NBPF20: variants seen among roughly 807,000 people sequenced by gnomAD.
The protein encoded by NBPF20 is NBPF family member NBPF20.
A neutral mutation model predicts 68.1 loss-of-function variants in NBPF20; 90 were observed. The observed-to-expected ratio is 1.32, with a 90% CI of 1.11 to 1.58. The LOEUF (loss-of-function observed/expected upper bound fraction) is 1.58. Among genes scored for constraint, NBPF20 ranks in the 40% most tolerant of loss-of-function variants. The probability of loss-of-function intolerance (pLI) is 0.00; values close to 1 mark genes in which losing one functional copy is unlikely to be tolerated. For missense variants in NBPF20, 816 were observed against 601.2 expected (o/e 1.36, Z -3.74); for synonymous variants, 290 against 228.1 (o/e 1.27, Z -2.45).
chr1:145,408,795 A>G (rs587593819), upstream of NBPF20, among the ~76,000 whole-genome samples: 11 of 152,120 alleles, frequency 7.2e-5, no homozygotes, highest in East Asian at 1.9e-3. Flanking sequence ...TACCTGCTTC[A>G]TTGCATGTAT....
intron 6 of NBPF20, 135 bp downstream of exon 11, chr1:145,400,254 A>G (rs1279645869): frequency 4.4e-6 from 7 of 1,581,818 alleles, no homozygotes; most frequent in Non-Finnish European, 5.2e-6. Context: ...GAAGGACAAA[A>G]AAAGTCCCTG....
intron 7 of NBPF20, 142 bp from the exon 13 acceptor site, chr1:145,395,283 T>C (rs1313796255): frequency 2.8e-6 from 3 of 1,090,780 alleles, no homozygotes; most frequent in Non-Finnish European, 4.0e-6. Context: ...GAAATAAAAC[T>C]ATCCTTCTAA....
chr1:145,407,813 C>T (rs1662871997), upstream of NBPF20: 1 of 156,506 alleles, frequency 6.4e-6, no homozygotes, highest in Non-Finnish European at 1.4e-5. Flanking sequence ...AGGACACGGC[C>T]ATTGTGGGCA....
the NBPF20 span, among the ~76,000 whole-genome samples, chr1:145,411,307 C>T: frequency 1.4e-5 from 2 of 147,730 alleles, no homozygotes; most frequent in South Asian, 2.2e-4. Context: ...TAATTTAGTT[C>T]TTTCATAATT....
chr1:145,393,598 G>C, intron 9 of NBPF20: 2 of 660,404 alleles, frequency 3.0e-6, no homozygotes, highest in Non-Finnish European at 2.6e-6. Context: ...TGAAAAGCAT[G>C]TCCTCAATAA....
intron 136 of NBPF20, among the ~76,000 whole-genome samples, chr1:145,292,709 T>C (rs1414444955): frequency 1.4e-5 from 2 of 143,126 alleles, no homozygotes; most frequent in Non-Finnish European, 3.0e-5. Context: ...TAGTAGATCG[T>C]TATCCCAATA....
intron 7 of NBPF20, 23 bp from the exon 13 acceptor site, chr1:145,395,164 G>C (rs1414539789): frequency 3.6e-6 from 5 of 1,392,920 alleles, no homozygotes. Flanking sequence ...GCAGGACAGG[G>C]ATGATAGAAG....
Position 145,402,394 on chromosome 1 carries a change from G to A in NBPF20, c.279-13C>T, listed in dbSNP as rs1261855345. On this transcript the variant is annotated splice_polypyrimidine_tract_variant and intron_variant, in intron 3 of 137. Coordinates refer to ENST00000369373, the Ensembl canonical transcript of NBPF20. The stretch of plus-strand genomic sequence containing the variant: ...GACTTTATATTGCCTAAGGTGAGAC[G>A]GTAGAGAAAATTTAAGAGTGGAAAG... The A allele has an allele frequency of 6.4e-5, 103 of 1,601,442 alleles. No individual in the cohort carries two copies. The Admixed American group carries it at 8.2e-4, about 13-fold the overall frequency.
intron 136 of NBPF20, 118 bp from the exon 142 acceptor site, chr1:145,292,607 T>A (rs587610840): frequency 2.7e-6 from 2 of 740,294 alleles, no homozygotes; most frequent in Non-Finnish European, 4.8e-6. Context: ...ATAGGACACT[T>A]TGAGAGATAT....
intron 7 of NBPF20, among the ~76,000 whole-genome samples, chr1:145,398,490 C>A (rs1359416817): frequency 1.3e-5 from 2 of 152,046 alleles, no homozygotes; most frequent in African/African-American, 4.8e-5. Flanking sequence ...GGGAAAATAA[C>A]AAAATGAAGG....
intron 8 of NBPF20, among the ~76,000 whole-genome samples, 168 bp downstream of exon 13, chr1:145,394,810 C>G (rs1303675540): frequency 6.6e-6 from 1 of 152,210 alleles, no homozygotes; most frequent in African/African-American, 2.4e-5. Flanking sequence ...CCACCCCATG[C>G]CTGTGCTTCA....
chr1:145,393,636 C>G (rs1313643849), intron 9 of NBPF20: 2 of 943,588 alleles, frequency 2.1e-6, no homozygotes, highest in Non-Finnish European at 1.6e-6. Context: ...TCAAGTTTCC[C>G]TGCAGTTACC....
At chr1:145,296,228 T>A (rs1306473437) in intron 132 of NBPF20, 110 bp downstream of exon 137, 4 of 1,918 alleles carry the variant, frequency 2.1e-3, no homozygotes, top group Admixed American at 0.017. Context: ...CTATAGGACC[T>A]CCCTGTGGCA....
intron 2 of NBPF20, among the ~76,000 whole-genome samples, chr1:145,404,255 TTA>T (rs1229850742): frequency 2.3e-4 from 28 of 121,618 alleles, no homozygotes; most frequent in Non-Finnish European, 4.1e-4. Flanking sequence ...TTTGATTTAT[TTA>T]TCTTTTTGTT....
intron 7 of NBPF20, among the ~76,000 whole-genome samples, chr1:145,396,771 T>G (rs1371248988): frequency 7.1e-6 from 1 of 140,114 alleles, no homozygotes; most frequent in Non-Finnish European, 1.5e-5. Flanking sequence ...TATATATATA[T>G]ACAGATATAT....
rs1297170608 is a variant in NBPF20 at position 145,392,779 on chromosome 1, T to C, written c.1216+295A>G. ...GATGAAATCTACAAGATCTACAAAA[T>C]TGAGACAAAATCAGAGTTGTGTGAA... On this transcript the variant is annotated intron_variant, in intron 10 of 137. Coordinates refer to ENST00000369373, the Ensembl canonical transcript of NBPF20. Among the ~76,000 whole-genome samples, 12 of 89,428 alleles carry C rather than the reference T, an allele frequency of 1.3e-4. 1 individual carries two copies. Among genetic ancestry groups the C allele is most frequent in the Non-Finnish European group, 2.2e-4 (11 of 50,974 alleles). The allele number at this position is 89,428 out of a possible 152,430, so 58.7% of individuals were successfully genotyped here.
chr1:145,406,082 CTAAT>C (rs1214183833), upstream of NBPF20, among the ~76,000 whole-genome samples: 9 of 143,770 alleles, frequency 6.3e-5, no homozygotes, highest in South Asian at 4.4e-4. Flanking sequence ...CCACGCCCGG[CTAAT>C]TTTTTTTTTT....
exon 138 of NBPF20, chr1:145,291,667 T>G (rs782134605): frequency 1.9e-6 from 3 of 1,611,820 alleles, no homozygotes; most frequent in African/African-American, 1.3e-5. Context: ...AGTGCTGGAA[T>G]GAGTCAGGTA....
At chr1:145,406,229 C>T (rs200617299), upstream of NBPF20, among the ~76,000 whole-genome samples, 2,611 of 151,144 alleles carry the variant, frequency 0.017, 45 homozygotes, top group Middle Eastern at 0.068. Context: ...CCACCGCGCC[C>T]GGCCGACTTC....
Sources: allele counts gnomAD v4.1 joint callset (sites outside exome capture counted in the v4.1 genomes callset), GRCh38; gene constraint gnomAD v4.1.1; transcripts MANE v1.5; gene names NCBI Gene and HGNC (gene_info 2026-07-23, HGNC 2026-07-21).